The following DPT variants were observed in gnomAD, a reference collection of about 807,000 sequenced individuals.
The protein encoded by DPT is dermatopontin, also known as tyrosine-rich acidic matrix protein.
DPT carries 21 observed loss-of-function variants against 31.2 expected under a neutral mutation model. The observed-to-expected ratio is 0.67, with a 90% CI of 0.48 to 0.97. DPT has a LOEUF of 0.97. DPT is among the 50% of genes least tolerant of loss of function. The pLI, the probability that DPT is intolerant of heterozygous loss-of-function variation, is 0.00. For synonymous variants in DPT, 91 were observed against 86.9 expected, an observed-to-expected ratio of 1.05 and a Z score of -0.26; for missense variants, 262 against 258.8, an observed-to-expected ratio of 1.01 and a Z score of -0.08.
chr1:168,728,983 G>A lies in DPT; in HGVS notation c.192C>T (p.Ser64=). ...QVIVAVRSIF[S]KKEGSDRQWN... ...ATTGTCTGTCAGAACCTTCCTTCTT[G>A]CTGAAGATGCTCCTCACGGCCACTA... Residue 64 remains serine, a synonymous_variant, in exon 1 of 4, where the codon AGC becomes AGT. Transcript: ENST00000367817. 6.2e-7 allele frequency: 1 copy of A among 1,614,218 alleles called. No individual in the cohort carries two copies. The highest frequency in any genetic ancestry group is 8.5e-7 in the Non-Finnish European group (1 of 1,180,042).
At chr1:168,723,077 A>C (rs545711113) in intron 1 of DPT, among the ~76,000 whole-genome samples, 1 of 152,346 alleles carries the variant, frequency 6.6e-6, no homozygotes, top group East Asian at 1.9e-4. Flanking sequence ...ACCTAGATGG[A>C]AAGTTGGCAA....
chr1:168,699,007 T>C (rs1649527216), intron 3 of DPT, among the ~76,000 whole-genome samples: 1 of 152,212 alleles, frequency 6.6e-6, no homozygotes, highest in South Asian at 2.1e-4. Flanking sequence ...TGCAATGACA[T>C]AATATTTCAG....
chr1:168,719,436 A>T (rs1464297166), intron 1 of DPT, among the ~76,000 whole-genome samples: 1 of 152,166 alleles, frequency 6.6e-6, no homozygotes, highest in Admixed American at 6.5e-5. Context: ...GGACTGGGGG[A>T]ACTGTCAGGG....
In DPT at chr1:168,716,474, T is replaced by A. The variant is rs530872577; in HGVS notation, c.306-2128A>T. 1.9e-3 allele frequency among the ~76,000 whole-genome samples: 283 copies of A among 152,192 alleles called. 3 individuals carry two copies. Among genetic ancestry groups the A allele is most frequent in the African/African-American group, 6.6e-3 (276 of 41,558 alleles). On this transcript the variant is annotated intron_variant, in intron 1 of 3. Coordinates refer to ENST00000367817, the MANE Select transcript of DPT (RefSeq NM_001937.5). The stretch of plus-strand genomic sequence containing the variant: ...TAAATTGAGACCTATGGCTCTTTGA[T>A]GATCTAGCTTTTTTTTTTTGGTATG...
chr1:168,729,155 C>A lies in DPT; in HGVS notation c.20G>T (p.Trp7Leu). The A allele has an allele frequency of 1.2e-6, 2 of 1,613,792 alleles. No individual in the cohort carries two copies. Among genetic ancestry groups the A allele is most frequent in the East Asian group, 2.2e-5 (1 of 44,858 alleles). ...CATGGTGACTAGGGGCAGAAGTACC[C>A]AGAGAAGACTGAGGTCCATGCTGCC... is the stretch of plus-strand genomic sequence containing the variant. The part of the protein sequence containing the change: MDLSLL[W>L]VLLPLVTMAW... Residue 7 changes from tryptophan to leucine, a missense_variant, in exon 1 of 4, where the codon TGG (tryptophan) becomes TTG (leucine). By Grantham distance (61) the Trp-to-Leu change is moderately conservative. Coordinates refer to ENST00000367817, the MANE Select transcript of DPT (RefSeq NM_001937.5).
chr1:168,719,635 A>C (rs1229759229), intron 1 of DPT, among the ~76,000 whole-genome samples: 6 of 151,996 alleles, frequency 3.9e-5, no homozygotes, highest in Admixed American at 3.9e-4. Context: ...CCCTTCATGG[A>C]TGTGAGTGAG....
Position 168,696,366 on chromosome 1 carries a change from A to C in DPT, c.*183T>G, listed in dbSNP as rs1000611167. 1.7e-5 allele frequency: 10 copies of C among 588,502 alleles called. No individual in the cohort carries two copies. Among genetic ancestry groups the C allele is most frequent in the African/African-American group, 1.5e-4 (8 of 53,568 alleles). The allele number at this position is 588,502 out of a possible 1,614,324, so 36.5% of individuals were successfully genotyped here. On this transcript the variant is annotated 3_prime_UTR_variant, in exon 4 of 4. Transcript: ENST00000367817. ...AGTGAGAAACATGGTTTAATTGTGGATTTTATTAGAAGTGTGATACTAGTC... is the reference window on the plus strand; with the variant it reads ...AGTGAGAAACATGGTTTAATTGTGGCTTTTATTAGAAGTGTGATACTAGTC...
intron 2 of DPT, among the ~76,000 whole-genome samples, chr1:168,701,893 A>G (rs916082859): frequency 7.9e-5 from 12 of 152,234 alleles, no homozygotes; most frequent in African/African-American, 2.9e-4. Flanking sequence ...AAAATGAGTG[A>G]TGAGTGTGCT....
At chr1:168,706,368 C>T (rs1350586346) in intron 2 of DPT, among the ~76,000 whole-genome samples, 2 of 152,198 alleles carry the variant, frequency 1.3e-5, no homozygotes, top group African/African-American at 2.4e-5. Context: ...AATCCTCTTG[C>T]ATAATGCTTT....
At chr1:168,715,543 G>A (rs1223271973) in intron 1 of DPT, among the ~76,000 whole-genome samples, 1 of 149,738 alleles carries the variant, frequency 6.7e-6, no homozygotes, top group Non-Finnish European at 1.5e-5. Context: ...TATTATGCAT[G>A]TCATTTAAAA....
intron 1 of DPT, among the ~76,000 whole-genome samples, chr1:168,718,488 T>A (rs1362558099): frequency 6.6e-6 from 1 of 152,250 alleles, no homozygotes; most frequent in Non-Finnish European, 1.5e-5. Flanking sequence ...TCCTCCGGCT[T>A]TGGTTTGATT....
chr1:168,725,068 A>C (rs1650208140), intron 1 of DPT, among the ~76,000 whole-genome samples: 1 of 152,196 alleles, frequency 6.6e-6, no homozygotes, highest in East Asian at 1.9e-4. Flanking sequence ...CTACCTGCCC[A>C]TGATGTGCTA....
At chr1:168,704,840 T>C (rs1649683541) in intron 2 of DPT, among the ~76,000 whole-genome samples, 2 of 152,218 alleles carry the variant, frequency 1.3e-5, no homozygotes, top group Non-Finnish European at 2.9e-5. Flanking sequence ...AATTTTAAGA[T>C]TGATATAGGA....
At chr1:168,720,815 G>T (rs558690944) in intron 1 of DPT, among the ~76,000 whole-genome samples, 1 of 152,334 alleles carries the variant, frequency 6.6e-6, no homozygotes, top group South Asian at 2.1e-4. Context: ...CTTTCTTTTA[G>T]AGTAAAGCTT....
At position 168,721,869 on chromosome 1, in the gene DPT, A is replaced by C. The variant is rs116399435; in HGVS notation, c.305+7001T>G. On this transcript the variant is annotated intron_variant, in intron 1 of 3. Coordinates refer to ENST00000367817, the MANE Select transcript of DPT (RefSeq NM_001937.5). ...CACATTCTGCTCTCTTCCTGCCTGC[A>C]TCTGGGTAAGAATTCTGCTGTCTTC... Among the ~76,000 whole-genome samples, 1,094 of 152,306 alleles carry C rather than the reference A, an allele frequency of 7.2e-3. 5 individuals carry two copies. Among genetic ancestry groups the C allele is most frequent in the Non-Finnish European group, 0.011 (754 of 68,024 alleles).
rs536051241 is a variant in DPT, at chr1:168,696,365, G to A, written c.*184C>T. 1.0e-5 allele frequency: 6 copies of A among 587,936 alleles called. No individual in the cohort carries two copies. In the South Asian group the frequency reaches 1.3e-4, roughly 13 times the overall value. 36.4% of individuals were successfully genotyped at this position (587,936 alleles called of 1,614,324 possible). A position where few individuals can be genotyped will look rare whatever the true frequency, so the allele number is the denominator to read the frequency against. On this transcript the variant is annotated 3_prime_UTR_variant, in exon 4 of 4. Coordinates refer to ENST00000367817, the MANE Select transcript of DPT (RefSeq NM_001937.5). ...AAGTGAGAAACATGGTTTAATTGTG[G>A]ATTTTATTAGAAGTGTGATACTAGT... is the stretch of plus-strand genomic sequence containing the variant.
At chr1:168,696,713 C>G (rs1295918604) in intron 3 of DPT, 98 bp from the exon 4 acceptor site, 2 of 1,108,984 alleles carry the variant, frequency 1.8e-6, no homozygotes, top group Non-Finnish European at 2.7e-6. Context: ...TTTGGAGGAT[C>G]TGGGAACTGA....
intron 2 of DPT, among the ~76,000 whole-genome samples, chr1:168,702,612 C>CTTTTT (rs10656421): frequency 0.014 from 1,911 of 132,346 alleles, 60 homozygotes; most frequent in South Asian, 0.087. Context: ...AGGTAAATGT[C>CTTTTT]TTTTTTTTTT....
At chr1:168,725,198 GCTTTTCTTTC>G (rs1650210441) in intron 1 of DPT, among the ~76,000 whole-genome samples, 1 of 71,588 alleles carries the variant, frequency 1.4e-5, no homozygotes, top group African/African-American at 6.4e-5. Flanking sequence ...TTCTTCCTTT[GCTTTTCTTTC>G]CTTTCCATTC....
Sources: allele counts gnomAD v4.1 joint callset (sites outside exome capture counted in the v4.1 genomes callset), GRCh38; gene constraint gnomAD v4.1.1; transcripts MANE v1.5; gene names NCBI Gene and HGNC (gene_info 2026-07-23, HGNC 2026-07-21).